TTC3: variants seen among roughly 807,000 people sequenced by gnomAD.
TTC3 encodes the protein tetratricopeptide repeat domain 3, also known as E3 ubiquitin-protein ligase TTC3.
TTC3 carries 180 observed loss-of-function variants against 249.6 expected under a neutral mutation model. The ratio of observed to expected loss-of-function variants is 0.72; its 90% CI spans 0.64 to 0.82. The LOEUF (loss-of-function observed/expected upper bound fraction) is 0.82, where lower values mean the gene tolerates loss of function less well. Ranked by LOEUF, TTC3 falls within the 40% of genes least tolerant of loss-of-function variation. The pLI, the probability that TTC3 is intolerant of heterozygous loss-of-function variation, is 0.00. For synonymous variants in TTC3, 717 were observed against 805.0 expected (o/e 0.89, Z 1.85); for missense variants, 2,061 against 2,398.4 (o/e 0.86, Z 2.94).
At chr21:37,096,126 G>A (rs768003530) in intron 9 of TTC3, among the ~76,000 whole-genome samples, 1 of 152,190 alleles carries the variant, frequency 6.6e-6, no homozygotes, top group Admixed American at 6.5e-5. Context: ...AGGGAGATAC[G>A]TTTCACCACA....
intron 1 of TTC3, among the ~76,000 whole-genome samples, chr21:37,075,123 A>C (rs6517402): frequency 0.46 from 68,351 of 150,122 alleles, 16,072 homozygotes; most frequent in Non-Finnish European, 0.52. Context: ...GTTTGTTTTT[A>C]AACTTTAATG....
At chr21:37,115,271 A>G (rs1047995817) in intron 11 of TTC3, among the ~76,000 whole-genome samples, 1 of 152,046 alleles carries the variant, frequency 6.6e-6, no homozygotes, top group Non-Finnish European at 1.5e-5. Flanking sequence ...GAATGAAACC[A>G]ATAGTGCAGA....
chr21:37,177,472 G>A (rs777933790), intron 35 of TTC3, among the ~76,000 whole-genome samples: 3 of 152,160 alleles, frequency 2.0e-5, no homozygotes, highest in Non-Finnish European at 4.4e-5. Context: ...GTAGGTCAGC[G>A]CCAGTAATTT....
intron 18 of TTC3, among the ~76,000 whole-genome samples, chr21:37,136,922 A>G (rs1014045312): frequency 6.6e-6 from 1 of 152,206 alleles, no homozygotes; most frequent in Non-Finnish European, 1.5e-5. Context: ...TTATGTTCCA[A>G]AAATCCTCAG....
chr21:37,128,554 T>G (rs1876217110), intron 15 of TTC3, among the ~76,000 whole-genome samples: 1 of 152,186 alleles, frequency 6.6e-6, no homozygotes, highest in South Asian at 2.1e-4. Flanking sequence ...CTCACTAACA[T>G]TTTTCTCAGC....
intron 35 of TTC3, among the ~76,000 whole-genome samples, chr21:37,182,495 A>G (rs969207380): frequency 3.9e-5 from 6 of 152,230 alleles, no homozygotes; most frequent in African/African-American, 1.4e-4. Flanking sequence ...TAGGCTGGAG[A>G]GTAAGTGTGA....
At chr21:37,147,175 A>G (rs897649331) in intron 21 of TTC3, among the ~76,000 whole-genome samples, 1 of 152,166 alleles carries the variant, frequency 6.6e-6, no homozygotes, top group African/African-American at 2.4e-5. Context: ...ATGCTTATGG[A>G]AGATTTCTGA....
intron 7 of TTC3, 46 bp downstream of exon 7, chr21:37,091,459 GTGTT>G: frequency 6.5e-7 from 1 of 1,539,274 alleles, no homozygotes; most frequent in Non-Finnish European, 8.7e-7. Context: ...GTTTTTAAAG[GTGTT>G]TGGGAAAATG....
At chr21:37,195,773 G>A (rs762897130) in exon 42 of TTC3, 2 of 1,614,198 alleles carry the variant, frequency 1.2e-6, no homozygotes, top group South Asian at 1.1e-5. Context: ...CACTTCACAG[G>A]GATCCTAGTG....
At chr21:37,179,682 TG>T (rs1216707091) in intron 35 of TTC3, among the ~76,000 whole-genome samples, 2 of 152,006 alleles carry the variant, frequency 1.3e-5, no homozygotes, top group East Asian at 1.9e-4. Flanking sequence ...TCATTTTGTT[TG>T]TTTTTTGAAT....
chr21:37,092,679 C>T (rs527550846), intron 7 of TTC3, among the ~76,000 whole-genome samples: 1 of 152,194 alleles, frequency 6.6e-6, no homozygotes, highest in Non-Finnish European at 1.5e-5. Flanking sequence ...TACTCTGTCC[C>T]TTAGAATTTC....
chr21:37,169,561 G>A (rs114011673), intron 34 of TTC3, among the ~76,000 whole-genome samples: 3,883 of 151,348 alleles, frequency 0.026, 147 homozygotes, highest in African/African-American at 0.087. Context: ...CAATCAAGAT[G>A]GTAGATTGGC....
intron 17 of TTC3, among the ~76,000 whole-genome samples, chr21:37,134,069 T>G (rs2077704376): frequency 6.6e-6 from 1 of 152,180 alleles, no homozygotes; most frequent in African/African-American, 2.4e-5. Flanking sequence ...CAAGTATGGC[T>G]GTCATCGAGC....
chr21:37,163,626 A>G (rs1300989984), intron 31 of TTC3, among the ~76,000 whole-genome samples: 1 of 152,236 alleles, frequency 6.6e-6, no homozygotes, highest in African/African-American at 2.4e-5. Flanking sequence ...CTGGGATTAC[A>G]GGCGTGAGCC....
intron 11 of TTC3, among the ~76,000 whole-genome samples, chr21:37,120,673 C>G (rs946971978): frequency 6.6e-6 from 1 of 152,064 alleles, no homozygotes; most frequent in African/African-American, 2.4e-5. Flanking sequence ...GAGCTAAGCC[C>G]AAATAGTCTG....
At chr21:37,081,061 C>G (rs961652320) in intron 1 of TTC3, among the ~76,000 whole-genome samples, 1 of 140,434 alleles carries the variant, frequency 7.1e-6, no homozygotes, top group Non-Finnish European at 1.5e-5. Context: ...GGTAGGAATA[C>G]TATTCTGCTG....
chr21:37,198,848 C>A (rs1190954112), intron 44 of TTC3, among the ~76,000 whole-genome samples: 1 of 106,046 alleles, frequency 9.4e-6, no homozygotes, highest in Admixed American at 1.0e-4. Context: ...TGGTTGTTTT[C>A]CATTTTTTTT....
chr21:37,131,062 G>A (rs2077431890), intron 16 of TTC3, among the ~76,000 whole-genome samples: 1 of 152,072 alleles, frequency 6.6e-6, no homozygotes, highest in Admixed American at 6.6e-5. Flanking sequence ...ATATATATTT[G>A]GTATTTGTCC....
chr21:37,104,391 A>G (rs1487110605), intron 10 of TTC3, among the ~76,000 whole-genome samples: 1 of 152,090 alleles, frequency 6.6e-6, no homozygotes, highest in Non-Finnish European at 1.5e-5. Context: ...GGAGTTCGAG[A>G]CCAGCCTGGC....
Sources: gnomAD v4.1 joint callset for allele counts (sites outside exome capture counted in the v4.1 genomes callset) on GRCh38, gnomAD v4.1.1 for gene constraint, MANE v1.5 for transcripts, NCBI Gene and HGNC (gene_info 2026-07-23, HGNC 2026-07-21) for gene names.